Variants in PTP4A1 observed in about 807,000 individuals in gnomAD.
PTP4A1 encodes the protein protein tyrosine phosphatase type IVA 1.
Under a neutral mutation model 20.5 loss-of-function variants are expected in PTP4A1, and 9 were observed. The observed-to-expected ratio is 0.44, with a 90% confidence interval of 0.26 to 0.77. The LOEUF (loss-of-function observed/expected upper bound fraction) is 0.77, where lower values mean the gene tolerates loss of function less well. Among genes scored for constraint, PTP4A1 ranks in the 30% least tolerant of loss-of-function variants. The pLI is 0.19. For missense variants in PTP4A1, 137 were observed against 218.8 expected (o/e 0.63, Z 2.36); for synonymous variants, 78 against 67.4 (o/e 1.16, Z -0.77).
At chr6:63,573,049 C>G (rs1018514954) in intron 1 of PTP4A1, among the ~76,000 whole-genome samples, 2 of 152,066 alleles carry the variant, frequency 1.3e-5, no homozygotes, top group African/African-American at 4.8e-5. Context: ...GCTTCCGCAG[C>G]GGGCCGGGTG....
At chr6:63,541,735 G>C (rs1010872857) in intron 2 of PTP4A1, among the ~76,000 whole-genome samples, 3 of 152,034 alleles carry the variant, frequency 2.0e-5, no homozygotes, top group Admixed American at 6.6e-5. Context: ...CATTAAAAAA[G>C]ATGCATTTAT....
chr6:63,555,973 G>A (rs1241062322), intron 3 of PTP4A1, among the ~76,000 whole-genome samples: 2 of 151,808 alleles, frequency 1.3e-5, no homozygotes, highest in Non-Finnish European at 2.9e-5. Context: ...TTATAGGAGT[G>A]AGCCACCGTA....
chr6:63,556,338 C>CT, intron 3 of PTP4A1, among the ~76,000 whole-genome samples: 1 of 151,400 alleles, frequency 6.6e-6, no homozygotes, highest in East Asian at 2.0e-4. Flanking sequence ...TTTTTCTTGC[C>CT]TTTTTCTTTT....
At chr6:63,576,122 ATAAC>A (rs983792264) in intron 1 of PTP4A1, among the ~76,000 whole-genome samples, 15 of 150,160 alleles carry the variant, frequency 1.0e-4, no homozygotes, top group African/African-American at 3.6e-4. Flanking sequence ...TACAGAGAAT[ATAAC>A]TAGATAGAAT....
intron 1 of PTP4A1, among the ~76,000 whole-genome samples, chr6:63,524,791 G>A (rs1405953951): frequency 6.6e-6 from 1 of 152,086 alleles, no homozygotes; most frequent in East Asian, 1.9e-4. Flanking sequence ...CTCATTCAAA[G>A]TTTCTATTTT....
intron 1 of PTP4A1, among the ~76,000 whole-genome samples, chr6:63,522,889 G>A (rs1383542584): frequency 7.2e-6 from 1 of 139,722 alleles, no homozygotes; most frequent in Non-Finnish European, 1.5e-5. Flanking sequence ...TTTTGAGACA[G>A]AGTCTCACTC....
In PTP4A1 at chr6:63,542,185, C is replaced by T. The variant is rs541279566; in HGVS notation, c.-639-8115C>T. On this transcript the variant is annotated intron_variant, in intron 2 of 3. Coordinates refer to the PTP4A1 transcript ENST00000639568. ...AGTAACTCAGGAATGGGAAACCAAACATCGTATGTTCTCACTCATAAGTGG... is the reference window on the plus strand; with the variant it reads ...AGTAACTCAGGAATGGGAAACCAAATATCGTATGTTCTCACTCATAAGTGG... Among the ~76,000 whole-genome samples, 3 of 152,130 alleles carry T rather than the reference C, an allele frequency of 2.0e-5. No homozygotes were observed. The East Asian group carries it at 5.8e-4, about 29-fold the overall frequency.
upstream of PTP4A1, among the ~76,000 whole-genome samples, chr6:63,518,851 A>G (rs1243104227): frequency 2.0e-5 from 3 of 152,238 alleles, no homozygotes; most frequent in Non-Finnish European, 4.4e-5. Flanking sequence ...ATTCAAAGAA[A>G]AGGTAACTCT....
intron 3 of PTP4A1, among the ~76,000 whole-genome samples, chr6:63,563,868 A>T (rs2149497789): frequency 6.6e-6 from 1 of 152,342 alleles, no homozygotes; most frequent in South Asian, 2.1e-4. Context: ...AAAAACTGGG[A>T]ATAGGATGCC....
chr6:63,519,474 G>T (rs1774846705), upstream of PTP4A1, among the ~76,000 whole-genome samples: 1 of 152,242 alleles, frequency 6.6e-6, no homozygotes, highest in South Asian at 2.1e-4. Flanking sequence ...ACTATGTCCT[G>T]TCTTACCAGG....
upstream of PTP4A1, among the ~76,000 whole-genome samples, chr6:63,570,785 G>T (rs1293424392): frequency 6.6e-6 from 1 of 152,146 alleles, no homozygotes; most frequent in Non-Finnish European, 1.5e-5. Context: ...CATTGGCCAA[G>T]CTTTTTATAT....
chr6:63,560,210 C>T (rs1276636208), intron 3 of PTP4A1, among the ~76,000 whole-genome samples: 1 of 151,112 alleles, frequency 6.6e-6, no homozygotes, highest in Non-Finnish European at 1.5e-5. Context: ...TGGTGGCAAG[C>T]GCCTGTAATC....
At chr6:63,536,047 AC>A (rs554316173) in intron 2 of PTP4A1, among the ~76,000 whole-genome samples, 2 of 147,496 alleles carry the variant, frequency 1.4e-5, no homozygotes, top group South Asian at 2.5e-4. Context: ...TACTGGGTTT[AC>A]AGGCTTGAGC....
intron 2 of PTP4A1, among the ~76,000 whole-genome samples, chr6:63,543,464 G>A (rs963952368): frequency 2.6e-5 from 4 of 152,072 alleles, no homozygotes; most frequent in Non-Finnish European, 5.9e-5. Flanking sequence ...TTATGAAAAG[G>A]GATATTATCT....
chr6:63,567,104 T>C (rs556077332), intron 3 of PTP4A1, among the ~76,000 whole-genome samples: 2 of 152,342 alleles, frequency 1.3e-5, no homozygotes, highest in South Asian at 4.1e-4. Flanking sequence ...TTTCCTCCAC[T>C]GAAGTCTTGA....
intron 2 of PTP4A1, among the ~76,000 whole-genome samples, chr6:63,545,310 G>A (rs1776134766): frequency 6.6e-6 from 1 of 152,076 alleles, no homozygotes; most frequent in South Asian, 2.1e-4. Context: ...AGAAATCTCT[G>A]GGCGTGGAAA....
At chr6:63,532,556 G>A (rs1484616088) in intron 2 of PTP4A1, among the ~76,000 whole-genome samples, 1 of 151,820 alleles carries the variant, frequency 6.6e-6, no homozygotes, top group African/African-American at 2.4e-5. Context: ...GTAAATAAAT[G>A]CCATTAAATC....
chr6:63,578,655 A>T, intron 3 of PTP4A1, 126 bp downstream of exon 3: 2 of 1,342,666 alleles, frequency 1.5e-6, no homozygotes, highest in Non-Finnish European at 2.0e-6. Flanking sequence ...CAAATATTAT[A>T]TTATTGTGCA....
In PTP4A1 at chr6:63,581,522, T is replaced by C. The variant is rs903620837; in HGVS notation, c.*1348T>C. ...ACAAAATGAATTGCACTTCACTTAATGTGTGTCCTCATCTTTTTACAAATA... is the reference window on the plus strand; with the variant it reads ...ACAAAATGAATTGCACTTCACTTAACGTGTGTCCTCATCTTTTTACAAATA... On this transcript the variant is annotated 3_prime_UTR_variant, in exon 6 of 6. Transcript: ENST00000626021. The C allele has an allele frequency of 2.6e-5, 4 of 152,458 alleles. No individual in the cohort carries two copies. Among genetic ancestry groups the C allele is most frequent in the African/African-American group, 4.8e-5 (2 of 41,466 alleles). 9.4% of individuals were successfully genotyped at this position (152,458 alleles called of 1,614,324 possible).
Sources: allele counts gnomAD v4.1 joint callset (sites outside exome capture counted in the v4.1 genomes callset), GRCh38; gene constraint gnomAD v4.1.1; transcripts MANE v1.5; gene names NCBI Gene and HGNC (gene_info 2026-07-23, HGNC 2026-07-21).